Variants in TCF7L1 observed in about 807,000 individuals in gnomAD.
The protein encoded by TCF7L1 is transcription factor 7-like 1.
In TCF7L1, 18 loss-of-function variants were observed where a neutral mutation model predicts 63.7. That is an observed-to-expected ratio of 0.28 (90% CI 0.20 to 0.42). The LOEUF (loss-of-function observed/expected upper bound fraction) is 0.42. Ranked by LOEUF, TCF7L1 falls within the 10% of genes least tolerant of loss-of-function variation. TCF7L1 has a pLI of 1.00. For synonymous variants in TCF7L1, 355 were observed against 340.9 expected, an observed-to-expected ratio of 1.04 and a Z score of -0.46; for missense variants, 654 against 779.3, an observed-to-expected ratio of 0.84 and a Z score of 1.91.
intron 3 of TCF7L1, among the ~76,000 whole-genome samples, chr2:85,159,220 G>A (rs1228701254): frequency 6.6e-6 from 1 of 152,076 alleles, no homozygotes; most frequent in Non-Finnish European, 1.5e-5. Context: ...CTTCTTCCCA[G>A]CCTTTTAGGC....
rs111716743 is a variant in TCF7L1 at position 85,304,247 on chromosome 2, C to G, written c.762-8C>G. The G allele has an allele frequency of 3.7e-6, 6 of 1,612,046 alleles. No individual in the cohort carries two copies. The Admixed American group carries it at 8.4e-5, about 22-fold the overall frequency. On this transcript the variant is annotated splice_polypyrimidine_tract_variant and splice_region_variant and intron_variant, in intron 6 of 11. Coordinates refer to ENST00000282111, the MANE Select transcript of TCF7L1 (RefSeq NM_031283.3). The stretch of plus-strand genomic sequence containing the variant: ...CAATATGCTGACCAGATTTCCTCCC[C>G]CTCACAGGCAAGGCCAGCCCATGTA...
chr2:85,135,695 A>G, intron 3 of TCF7L1, among the ~76,000 whole-genome samples: 1 of 128,396 alleles, frequency 7.8e-6, no homozygotes, highest in Non-Finnish European at 1.6e-5. Context: ...TTGGAGGGGG[A>G]TTGACGGGGG....
chr2:85,216,784 T>A (rs1037088399), intron 3 of TCF7L1, among the ~76,000 whole-genome samples: 5 of 151,958 alleles, frequency 3.3e-5, no homozygotes, highest in African/African-American at 1.2e-4. Context: ...GGAACATGAG[T>A]CTTTACAATA....
intron 3 of TCF7L1, among the ~76,000 whole-genome samples, chr2:85,267,342 A>C (rs907879151): frequency 2.0e-5 from 3 of 147,666 alleles, no homozygotes; most frequent in African/African-American, 7.5e-5. Flanking sequence ...AAAAAAAAAA[A>C]AAAAAAAAAA....
intron 3 of TCF7L1, among the ~76,000 whole-genome samples, chr2:85,196,168 TC>T (rs1679151999): frequency 6.6e-6 from 1 of 152,228 alleles, no homozygotes; most frequent in Admixed American, 6.5e-5. Context: ...AAGCAGGGAT[TC>T]CTAAACTCGG....
chr2:85,274,521 C>A (rs1174517299), intron 3 of TCF7L1, among the ~76,000 whole-genome samples: 1 of 152,140 alleles, frequency 6.6e-6, no homozygotes, highest in Non-Finnish European at 1.5e-5. Flanking sequence ...AGCTTTCCAG[C>A]CATCCCAGCA....
chr2:85,208,873 A>AT (rs1364715945), intron 3 of TCF7L1, among the ~76,000 whole-genome samples: 20 of 152,264 alleles, frequency 1.3e-4, no homozygotes, highest in African/African-American at 4.8e-4. Context: ...TATGAAGTTA[A>AT]TAAGAACAAG....
intron 3 of TCF7L1, among the ~76,000 whole-genome samples, chr2:85,274,069 G>T (rs1681216522): frequency 6.6e-6 from 1 of 152,184 alleles, no homozygotes; most frequent in African/African-American, 2.4e-5. Flanking sequence ...ACAGGGGAGA[G>T]ACAGAGGGAG....
chr2:85,245,909 G>A (rs761423450), intron 3 of TCF7L1, among the ~76,000 whole-genome samples: 2 of 151,974 alleles, frequency 1.3e-5, no homozygotes, highest in Non-Finnish European at 2.9e-5. Context: ...TTAAAGGATG[G>A]CCATGTCCTT....
At chr2:85,268,903 G>C (rs1248605932) in intron 3 of TCF7L1, among the ~76,000 whole-genome samples, 1 of 152,180 alleles carries the variant, frequency 6.6e-6, no homozygotes, top group Non-Finnish European at 1.5e-5. Context: ...ACGAGTGTGG[G>C]GCAAGGTGAA....
chr2:85,270,757 A>G (rs1681131624), intron 3 of TCF7L1, among the ~76,000 whole-genome samples: 1 of 151,128 alleles, frequency 6.6e-6, no homozygotes, highest in South Asian at 2.1e-4. Context: ...TGGCGCAATC[A>G]CAGCTCACTG....
intron 3 of TCF7L1, among the ~76,000 whole-genome samples, chr2:85,151,320 C>T (rs1382840966): frequency 6.6e-6 from 1 of 152,200 alleles, no homozygotes; most frequent in Non-Finnish European, 1.5e-5. Context: ...TATCTTTTAA[C>T]ATGTTGCTCT....
At chr2:85,154,039 C>T (rs1373513989) in intron 3 of TCF7L1, among the ~76,000 whole-genome samples, 1 of 152,062 alleles carries the variant, frequency 6.6e-6, no homozygotes, top group Non-Finnish European at 1.5e-5. Context: ...TTTCTCAATT[C>T]GTCCCAGAAT....
intron 3 of TCF7L1, among the ~76,000 whole-genome samples, chr2:85,190,875 C>T (rs1679026870): frequency 6.6e-6 from 1 of 152,132 alleles, no homozygotes; most frequent in Non-Finnish European, 1.5e-5. Flanking sequence ...GACGCAATAC[C>T]TGAGGCTCAG....
intron 3 of TCF7L1, among the ~76,000 whole-genome samples, chr2:85,206,066 CCTGTTAG>C (rs1179595410): frequency 3.9e-5 from 6 of 152,252 alleles, no homozygotes. Flanking sequence ...AGTGAAGGTA[CCTGTTAG>C]CTGGGGCTAT....
intron 3 of TCF7L1, among the ~76,000 whole-genome samples, chr2:85,241,039 G>T (rs1333694288): frequency 2.0e-5 from 3 of 152,284 alleles, no homozygotes; most frequent in East Asian, 1.9e-4. Flanking sequence ...AAGCTGGAGG[G>T]TTTAAATTCA....
At chr2:85,308,456 CCT>C (rs112523821) in intron 11 of TCF7L1, among the ~76,000 whole-genome samples, 12,496 of 85,232 alleles carry the variant, frequency 0.15, 1,572 homozygotes, top group South Asian at 0.17. Context: ...TCTTTCCCTC[CCT>C]CTCTTTCCCT....
intron 4 of TCF7L1, among the ~76,000 whole-genome samples, chr2:85,294,352 A>G (rs1681798315): frequency 6.6e-6 from 1 of 150,736 alleles, no homozygotes; most frequent in Admixed American, 6.6e-5. Context: ...TGGGAATTTT[A>G]AAAGCTCTCT....
intron 3 of TCF7L1, among the ~76,000 whole-genome samples, chr2:85,253,792 C>G (rs929896724): frequency 2.6e-5 from 4 of 152,246 alleles, no homozygotes; most frequent in Non-Finnish European, 5.9e-5. Flanking sequence ...ACCACACAAT[C>G]TTAGGAACTG....
Sources: gnomAD v4.1 joint callset for allele counts (sites outside exome capture counted in the v4.1 genomes callset) on GRCh38, gnomAD v4.1.1 for gene constraint, MANE v1.5 for transcripts, NCBI Gene and HGNC (gene_info 2026-07-23, HGNC 2026-07-21) for gene names.